Variants in GRM7 observed in about 807,000 individuals in gnomAD.
GRM7 encodes the protein glutamate metabotropic receptor 7, also known as metabotropic glutamate receptor 7.
A neutral mutation model predicts 84.5 loss-of-function variants in GRM7; 35 were observed. The observed-to-expected ratio is 0.41, with a 90% confidence interval of 0.32 to 0.55. The LOEUF (loss-of-function observed/expected upper bound fraction) is 0.55. Among genes scored for constraint, GRM7 ranks in the 20% least tolerant of loss-of-function variants. GRM7 has a pLI of 0.19. For synonymous variants in GRM7, 487 were observed against 455.1 expected (o/e 1.07, Z -0.89); for missense variants, 1,003 against 1,194.6 (o/e 0.84, Z 2.36).
At chr3:7,426,753 C>T (rs1696627162) in intron 5 of GRM7, among the ~76,000 whole-genome samples, 1 of 152,184 alleles carries the variant, frequency 6.6e-6, no homozygotes, top group African/African-American at 2.4e-5. Flanking sequence ...CCCATCTTCA[C>T]ATCCCCAGCC....
intron 1 of GRM7, among the ~76,000 whole-genome samples, chr3:6,983,936 A>T (rs574924426): frequency 2.0e-5 from 3 of 152,320 alleles, no homozygotes; most frequent in South Asian, 2.1e-4. Context: ...TTTAAGCCAC[A>T]AAACAATCAA....
At chr3:7,240,677 T>C (rs77431721) in intron 2 of GRM7, among the ~76,000 whole-genome samples, 1,725 of 152,226 alleles carry the variant, frequency 0.011, 26 homozygotes, top group African/African-American at 0.039. Context: ...TTTCAGTCTC[T>C]CTACTGACTG....
At chr3:6,915,236 T>C (rs1360979078) in intron 1 of GRM7, among the ~76,000 whole-genome samples, 1 of 152,222 alleles carries the variant, frequency 6.6e-6, no homozygotes, top group Admixed American at 6.5e-5. Context: ...AGTGCAATTC[T>C]TTTGAAAGTT....
chr3:7,244,478 A>T (rs540285960), intron 2 of GRM7, among the ~76,000 whole-genome samples: 1 of 152,250 alleles, frequency 6.6e-6, no homozygotes, highest in African/African-American at 2.4e-5. Context: ...TCAAAGTCTC[A>T]GCAGATATTT....
chr3:7,454,090 A>ACACACTCTCTCTCT lies in GRM7; in HGVS notation c.1375+1284_1375+1285insACACTCTCTCTCTC, dbSNP rs1365192243. 1.2e-3 allele frequency among the ~76,000 whole-genome samples: 162 copies of ACACACTCTCTCTCT among 140,190 alleles called. 1 individual carries two copies. Among genetic ancestry groups the ACACACTCTCTCTCT allele is most frequent in the African/African-American group, 3.9e-3 (140 of 35,924 alleles). 92.0% of individuals were successfully genotyped at this position (140,190 alleles called of 152,430 possible). ...ACCATACATGAAAAGCTACACACAC[A>ACACACTCTCTCTCT]CTCTCTCTCTCTCTCTCTCTCTCTC... On this transcript the variant is annotated intron_variant, in intron 6 of 9. Transcript: ENST00000357716.
At chr3:7,167,367 A>G (rs1694833682) in intron 2 of GRM7, among the ~76,000 whole-genome samples, 1 of 152,164 alleles carries the variant, frequency 6.6e-6, no homozygotes. Flanking sequence ...TTAGATTGAC[A>G]GTCAACCTGG....
intron 1 of GRM7, among the ~76,000 whole-genome samples, chr3:6,901,533 G>T (rs2125003940): frequency 6.9e-6 from 1 of 144,324 alleles, no homozygotes; most frequent in Non-Finnish European, 1.5e-5. Context: ...GATAGGTGGA[G>T]GTTGCAGTGA....
At chr3:7,550,601 G>C (rs1693420108) in intron 7 of GRM7, among the ~76,000 whole-genome samples, 1 of 147,036 alleles carries the variant, frequency 6.8e-6, no homozygotes, top group Admixed American at 6.9e-5. Context: ...GTGTGTGTGT[G>C]TGTGTGTGTG....
At chr3:7,302,931 A>ATTTTT (rs761399796) in intron 3 of GRM7, among the ~76,000 whole-genome samples, 621 of 121,806 alleles carry the variant, frequency 5.1e-3, no homozygotes, top group African/African-American at 9.5e-3. Flanking sequence ...TGATTGTTCT[A>ATTTTT]TTTTTTTTTT....
chr3:7,001,912 A>C (rs2201924), intron 1 of GRM7, among the ~76,000 whole-genome samples: 1 of 152,026 alleles, frequency 6.6e-6, no homozygotes, highest in African/African-American at 2.4e-5. Flanking sequence ...ATGTGTGTGC[A>C]TGGACTCTTA....
At chr3:7,432,674 C>T (rs1696879983) in intron 5 of GRM7, among the ~76,000 whole-genome samples, 2 of 151,438 alleles carry the variant, frequency 1.3e-5, no homozygotes, top group Middle Eastern at 3.2e-3. Flanking sequence ...TAGAATAAAA[C>T]CATGCATGAA....
chr3:7,049,028 AG>A, intron 1 of GRM7, among the ~76,000 whole-genome samples: 1 of 152,094 alleles, frequency 6.6e-6, no homozygotes. Context: ...TATCATCCAG[AG>A]ATTAAATAAA....
intron 1 of GRM7, among the ~76,000 whole-genome samples, chr3:6,890,659 G>A (rs527573158): frequency 2.0e-5 from 3 of 152,202 alleles, no homozygotes; most frequent in Non-Finnish European, 4.4e-5. Flanking sequence ...CAAGTATGTG[G>A]TCAATTTTGG....
chr3:7,041,536 A>G (rs1341775818), intron 1 of GRM7, among the ~76,000 whole-genome samples: 1 of 152,152 alleles, frequency 6.6e-6, no homozygotes, highest in Non-Finnish European at 1.5e-5. Context: ...CTTGCTGAAC[A>G]TTTGTATTGT....
chr3:7,732,954 T>C (rs964997479), intron 9 of GRM7, among the ~76,000 whole-genome samples: 1 of 152,230 alleles, frequency 6.6e-6, no homozygotes, highest in African/African-American at 2.4e-5. Context: ...AGGAGTGGAT[T>C]ATTCATTCCT....
chr3:7,720,068 A>G lies in GRM7; in HGVS notation c.2699-20289A>G, dbSNP rs79406762. Among the ~76,000 whole-genome samples, 634 of 152,266 alleles carry G rather than the reference A, an allele frequency of 4.2e-3. 13 individuals are homozygous for G. The East Asian group carries it at 0.079, about 19-fold the overall frequency. ...CTGTGCTACACACTTCACATACAGC[A>G]TCACACTGGATCCTCCCAACAATCA... On this transcript the variant is annotated intron_variant, in intron 9 of 9. Coordinates refer to ENST00000357716, the MANE Select transcript of GRM7 (RefSeq NM_000844.4).
rs1698563794 is a variant in GRM7, at chr3:7,088,998, T to G, written c.520-57454T>G. On this transcript the variant is annotated intron_variant, in intron 1 of 9. Coordinates refer to ENST00000357716, the MANE Select transcript of GRM7 (RefSeq NM_000844.4). ...AAGCTGAGAAGAGAAAAGCCCAGTTTCTTCCAACCAAAAGCAAATGTCGAT... is the reference window on the plus strand; with the variant it reads ...AAGCTGAGAAGAGAAAAGCCCAGTTGCTTCCAACCAAAAGCAAATGTCGAT... Among the ~76,000 whole-genome samples, 10 of 152,220 alleles carry G rather than the reference T, an allele frequency of 6.6e-5. No homozygotes were observed. In the South Asian group the frequency reaches 2.1e-3, roughly 32 times the overall value.
intron 9 of GRM7, among the ~76,000 whole-genome samples, chr3:7,726,662 T>C (rs1407729972): frequency 3.0e-5 from 3 of 98,888 alleles, no homozygotes; most frequent in Non-Finnish European, 4.1e-5. Flanking sequence ...TATATATATA[T>C]ATAGGTTTTC....
chr3:7,462,750 G>A (rs1462937853), intron 7 of GRM7, among the ~76,000 whole-genome samples: 2 of 152,110 alleles, frequency 1.3e-5, no homozygotes, highest in African/African-American at 4.8e-5. Context: ...AGATCTGCTT[G>A]CACCTGTCCA....
Sources: gnomAD v4.1 joint callset for allele counts (sites outside exome capture counted in the v4.1 genomes callset) on GRCh38, gnomAD v4.1.1 for gene constraint, MANE v1.5 for transcripts, NCBI Gene and HGNC (gene_info 2026-07-23, HGNC 2026-07-21) for gene names.